Variants in TMED3 observed in about 807,000 individuals in gnomAD.
The protein encoded by TMED3 is transmembrane emp24 domain-containing protein 3.
A neutral mutation model predicts 15.0 loss-of-function variants in TMED3; 9 were observed. The ratio of observed to expected loss-of-function variants is 0.60; its 90% CI spans 0.36 to 1.04. The LOEUF is 1.04. TMED3 is among the 50% of genes least tolerant of loss of function. TMED3 has a pLI of 0.01. For missense variants in TMED3, 267 were observed against 278.9 expected (o/e 0.96, Z 0.30); for synonymous variants, 117 against 121.4 (o/e 0.96, Z 0.24).
chr15:79,314,038 AC>A (rs773304819), intron 2 of TMED3, 33 bp downstream of exon 2: 1 of 1,610,990 alleles, frequency 6.2e-7, no homozygotes, highest in African/African-American at 1.3e-5. Flanking sequence ...GGGCTGCTGA[AC>A]CCCCTAGCGT....
At chr15:79,362,343 G>GTCCAGCTACTCAGTCTTCCTGAGT (rs1388925084) in intron 2 of TMED3, among the ~76,000 whole-genome samples, 1 of 150,844 alleles carries the variant, frequency 6.6e-6, no homozygotes, top group East Asian at 1.9e-4. Flanking sequence ...TGGCATGCCT[G>GTCCAGCTACTCAGTCTTCCTGAGT]TCCAGCTACT....
chr15:79,362,454 C>T (rs1893150099), intron 2 of TMED3, among the ~76,000 whole-genome samples: 1 of 151,946 alleles, frequency 6.6e-6, no homozygotes, highest in Non-Finnish European at 1.5e-5. Flanking sequence ...CACTGCACTC[C>T]AGCCTGGGTG....
intron 2 of TMED3, among the ~76,000 whole-genome samples, chr15:79,316,485 C>CT (rs2141214036): frequency 6.6e-6 from 1 of 152,326 alleles, no homozygotes; most frequent in Non-Finnish European, 1.5e-5. Context: ...ACTTCCCTGT[C>CT]TTTGAGTTCT....
chr15:79,320,286 G>T (rs907207803), intron 2 of TMED3, among the ~76,000 whole-genome samples: 4 of 151,974 alleles, frequency 2.6e-5, no homozygotes, highest in Non-Finnish European at 4.4e-5. Flanking sequence ...GTGTGGCCTG[G>T]TTTTTCCTAG....
intron 2 of TMED3, among the ~76,000 whole-genome samples, chr15:79,338,116 A>G (rs2058833772): frequency 1.3e-5 from 2 of 152,246 alleles, no homozygotes. Flanking sequence ...CTCATGGGAA[A>G]AATAAATGTG....
At chr15:79,317,399 C>A (rs1212260053) in intron 2 of TMED3, among the ~76,000 whole-genome samples, 1 of 152,220 alleles carries the variant, frequency 6.6e-6, no homozygotes, top group African/African-American at 2.4e-5. Context: ...GAGATGCTGA[C>A]CAGTACTGCT....
exon 3 of TMED3, chr15:79,411,483 G>A (rs914075779): frequency 1.4e-6 from 1 of 702,520 alleles, no homozygotes; most frequent in Non-Finnish European, 2.6e-6. Flanking sequence ...CCGAGGGACT[G>A]GGACGACTGG....
chr15:79,319,425 A>G (rs2058754753), intron 2 of TMED3, among the ~76,000 whole-genome samples: 1 of 152,230 alleles, frequency 6.6e-6, no homozygotes, highest in Admixed American at 6.5e-5. Context: ...AGTAAGGGTA[A>G]CACCATTGTT....
At chr15:79,336,702 CAAACAAACAAACACAAA>C (rs2058828347) in intron 2 of TMED3, among the ~76,000 whole-genome samples, 1 of 135,088 alleles carries the variant, frequency 7.4e-6, no homozygotes, top group Non-Finnish European at 1.7e-5. Context: ...AACAAACAAA[CAAACAAACAAACACAAA>C]AAACAAACAA....
intron 2 of TMED3, among the ~76,000 whole-genome samples, chr15:79,375,688 G>C (rs141579300): frequency 1.3e-5 from 2 of 152,036 alleles, no homozygotes; most frequent in Non-Finnish European, 2.9e-5. Flanking sequence ...ACTTACTATC[G>C]TAAGGACAGC....
chr15:79,311,218 G>A lies in TMED3; in HGVS notation c.-32G>A. 1.9e-6 allele frequency: 3 copies of A among 1,567,846 alleles called. No homozygotes were observed. The highest frequency in any genetic ancestry group is 1.7e-6 in the Non-Finnish European group (2 of 1,162,466). On this transcript the variant is annotated 5_prime_UTR_variant, in exon 1 of 3. Coordinates refer to ENST00000299705, the MANE Select transcript of TMED3 (RefSeq NM_007364.4). ...AGCCCGCCGGGGGCGCAGCGCCCGAGCCGCGGCCCTCGAGACGGGACCGAG... is the reference window on the plus strand; with the variant it reads ...AGCCCGCCGGGGGCGCAGCGCCCGAACCGCGGCCCTCGAGACGGGACCGAG...
exon 3 of TMED3, chr15:79,411,579 G>A: frequency 1.4e-6 from 1 of 690,300 alleles, no homozygotes; most frequent in Non-Finnish European, 2.6e-6. Context: ...GGAGGAAGCT[G>A]CTGCACAGAG....
chr15:79,320,016 A>T (rs1718487051), intron 2 of TMED3, among the ~76,000 whole-genome samples: 2 of 152,190 alleles, frequency 1.3e-5, no homozygotes, highest in South Asian at 4.1e-4. Context: ...GCCCTCCACA[A>T]GAGGTGGAGG....
At chr15:79,366,154 A>C (rs1255517763) in intron 2 of TMED3, among the ~76,000 whole-genome samples, 1 of 152,172 alleles carries the variant, frequency 6.6e-6, no homozygotes, top group Non-Finnish European at 1.5e-5. Context: ...TATATAGCTC[A>C]CAATATCATC....
chr15:79,411,457 G>A, exon 3 of TMED3: 1 of 702,570 alleles, frequency 1.4e-6, no homozygotes, highest in South Asian at 1.5e-5. Flanking sequence ...TATGCAGCCA[G>A]GCGGAACACC....
intron 2 of TMED3, among the ~76,000 whole-genome samples, chr15:79,385,046 G>A (rs1241842288): frequency 6.6e-6 from 1 of 152,190 alleles, no homozygotes; most frequent in Non-Finnish European, 1.5e-5. Flanking sequence ...GTTGGGTGAT[G>A]GCCCACCTGG....
downstream of TMED3, among the ~76,000 whole-genome samples, chr15:79,327,604 A>C (rs530532213): frequency 6.6e-6 from 1 of 152,374 alleles, no homozygotes; most frequent in African/African-American, 2.4e-5. Flanking sequence ...TGCCTAGCAC[A>C]ATACTGGTCT....
chr15:79,404,501 C>A lies in TMED3; in HGVS notation c.418-6899C>A, dbSNP rs114303786. Among the ~76,000 whole-genome samples, 739 of 151,990 alleles carry A rather than the reference C, an allele frequency of 4.9e-3. 8 individuals are homozygous for A. The highest frequency in any genetic ancestry group is 0.017 in the African/African-American group (709 of 41,440). ...CTAGAGAGAAGCTGGCTGCCTCAAACTAAAACATGGCAGGTGAATGCTTCC... is the reference window on the plus strand; with the variant it reads ...CTAGAGAGAAGCTGGCTGCCTCAAAATAAAACATGGCAGGTGAATGCTTCC... On this transcript the variant is annotated intron_variant, in intron 2 of 2. Transcript: ENST00000424155.
At chr15:79,324,736 T>G (rs2058781173), downstream of TMED3, among the ~76,000 whole-genome samples, 1 of 152,196 alleles carries the variant, frequency 6.6e-6, no homozygotes, top group African/African-American at 2.4e-5. Flanking sequence ...GCTATTTGCA[T>G]CTGGATTTTC....
Sources: allele counts gnomAD v4.1 joint callset (sites outside exome capture counted in the v4.1 genomes callset), GRCh38; gene constraint gnomAD v4.1.1; transcripts MANE v1.5; gene names NCBI Gene and HGNC (gene_info 2026-07-23, HGNC 2026-07-21).